EYS: variants seen among roughly 807,000 people sequenced by gnomAD.
The protein encoded by EYS is EGF-like photoreceptor maintenance factor.
In EYS, 250 loss-of-function variants were observed where a neutral mutation model predicts 282.1. That is an observed-to-expected ratio of 0.89 (90% CI 0.80 to 0.98). The LOEUF (loss-of-function observed/expected upper bound fraction) is 0.98. Ranked by LOEUF, EYS falls within the 50% of genes least tolerant of loss-of-function variation. The pLI, the probability that EYS is intolerant of heterozygous loss-of-function variation, is 0.00. For synonymous variants in EYS, 1,355 were observed against 1,282.9 expected (o/e 1.06, Z -1.20); for missense variants, 4,016 against 3,709.0 (o/e 1.08, Z -2.15).
At chr6:64,804,136 T>C (rs997187639) in intron 22 of EYS, among the ~76,000 whole-genome samples, 6 of 152,204 alleles carry the variant, frequency 3.9e-5, no homozygotes, top group Non-Finnish European at 7.3e-5. Flanking sequence ...AGGTATGTAA[T>C]TTATTACAAT....
chr6:64,993,908 T>C (rs146799368), intron 14 of EYS, among the ~76,000 whole-genome samples: 1,806 of 151,052 alleles, frequency 0.012, 39 homozygotes, highest in African/African-American at 0.041. Flanking sequence ...ATGTGTGTGA[T>C]ATTTATATAT....
chr6:65,513,694 T>C (rs928311127), intron 2 of EYS, among the ~76,000 whole-genome samples: 1 of 151,208 alleles, frequency 6.6e-6, no homozygotes, highest in Non-Finnish European at 1.5e-5. Context: ...AAAAACCACA[T>C]GATTATCTCA....
At chr6:64,514,270 C>T (rs185674294) in intron 26 of EYS, among the ~76,000 whole-genome samples, 21 of 151,768 alleles carry the variant, frequency 1.4e-4, no homozygotes, top group African/African-American at 5.1e-4. Flanking sequence ...GAGTGAATAT[C>T]AAGATGTCAG....
At chr6:64,734,597 T>C (rs1429549254) in intron 22 of EYS, among the ~76,000 whole-genome samples, 1 of 152,222 alleles carries the variant, frequency 6.6e-6, no homozygotes, top group African/African-American at 2.4e-5. Flanking sequence ...CTGTTAGCCA[T>C]TTACAATTTT....
chr6:65,277,985 T>G (rs1158750301), intron 12 of EYS, among the ~76,000 whole-genome samples: 3 of 130,320 alleles, frequency 2.3e-5, no homozygotes, highest in African/African-American at 8.1e-5. Flanking sequence ...ATTCCTTCTG[T>G]CTGACTACCT....
chr6:65,356,722 T>C (rs1764499679), intron 8 of EYS, among the ~76,000 whole-genome samples: 1 of 152,052 alleles, frequency 6.6e-6, no homozygotes, highest in African/African-American at 2.4e-5. Flanking sequence ...TAATACCTTT[T>C]TAAAATTATT....
chr6:64,907,213 A>C (rs1583282450), intron 16 of EYS, among the ~76,000 whole-genome samples: 1 of 151,998 alleles, frequency 6.6e-6, no homozygotes, highest in Non-Finnish European at 1.5e-5. Context: ...ACCACCACGC[A>C]CTGCTAATTT....
chr6:63,752,394 T>C (rs1347588113), intron 41 of EYS, among the ~76,000 whole-genome samples: 1 of 152,156 alleles, frequency 6.6e-6, no homozygotes, highest in Non-Finnish European at 1.5e-5. Flanking sequence ...ATAATATTAT[T>C]ACAGCCTTTA....
intron 12 of EYS, among the ~76,000 whole-genome samples, chr6:65,278,903 C>A (rs1321054206): frequency 3.3e-5 from 5 of 152,010 alleles, no homozygotes; most frequent in Non-Finnish European, 1.5e-5. Flanking sequence ...AATATGATAC[C>A]TGTGGCCCAG....
At chr6:65,523,056 C>T (rs564404671) in intron 2 of EYS, among the ~76,000 whole-genome samples, 1 of 151,942 alleles carries the variant, frequency 6.6e-6, no homozygotes, top group Non-Finnish European at 1.5e-5. Flanking sequence ...CCTTCAAATA[C>T]ATAGATTAAC....
chr6:64,142,671 G>A (rs558676987), intron 31 of EYS, among the ~76,000 whole-genome samples: 1 of 152,126 alleles, frequency 6.6e-6, no homozygotes, highest in African/African-American at 2.4e-5. Context: ...TCCAGCAGTA[G>A]TGGAAGGCAC....
chr6:64,533,943 C>A (rs749747858), intron 26 of EYS, among the ~76,000 whole-genome samples: 1 of 151,604 alleles, frequency 6.6e-6, no homozygotes, highest in Admixed American at 6.6e-5. Context: ...AAATATGTGA[C>A]AAGAGGACAT....
intron 21 of EYS, among the ~76,000 whole-genome samples, chr6:64,819,419 A>G (rs1764834807): frequency 6.6e-6 from 1 of 152,156 alleles, no homozygotes; most frequent in Admixed American, 6.6e-5. Context: ...AATAAAAAGT[A>G]AAGAAACAGA....
intron 22 of EYS, among the ~76,000 whole-genome samples, chr6:64,653,776 G>C (rs1397393526): frequency 6.8e-6 from 1 of 147,706 alleles, no homozygotes; most frequent in Non-Finnish European, 1.5e-5. Context: ...TGTTGCCAAG[G>C]CTGATCTCAA....
chr6:64,831,186 A>T (rs1210266686), intron 19 of EYS, among the ~76,000 whole-genome samples: 1 of 152,022 alleles, frequency 6.6e-6, no homozygotes, highest in African/African-American at 2.4e-5. Flanking sequence ...CTAACCTATG[A>T]AAAAGTTTCC....
At chr6:65,086,544 T>C (rs1462660703) in intron 12 of EYS, among the ~76,000 whole-genome samples, 5 of 152,136 alleles carry the variant, frequency 3.3e-5, no homozygotes, top group Admixed American at 6.6e-5. Context: ...GAAGCAGAGA[T>C]ATTATTTCCA....
chr6:65,621,714 G>C (rs1392635003), intron 2 of EYS, among the ~76,000 whole-genome samples: 1 of 151,888 alleles, frequency 6.6e-6, no homozygotes, highest in East Asian at 1.9e-4. Context: ...TCCATGTTTA[G>C]CACTTCCTTC....
chr6:64,345,293 T>C (rs886934878), intron 29 of EYS, among the ~76,000 whole-genome samples: 2 of 152,064 alleles, frequency 1.3e-5, no homozygotes, highest in African/African-American at 4.8e-5. Context: ...CTACCTGACT[T>C]CAAACTATAC....
At chr6:65,444,754 T>G (rs2036475) in intron 5 of EYS, among the ~76,000 whole-genome samples, 60,727 of 151,918 alleles carry the variant, frequency 0.4, 12,674 homozygotes, top group Admixed American at 0.53. Context: ...GACATTTTCT[T>G]CTATAGAGCC....
Sources: allele counts gnomAD v4.1 joint callset (sites outside exome capture counted in the v4.1 genomes callset), GRCh38; gene constraint gnomAD v4.1.1; transcripts MANE v1.5; gene names NCBI Gene and HGNC (gene_info 2026-07-23, HGNC 2026-07-21).